AFMID: variants seen among roughly 807,000 people sequenced by gnomAD.
AFMID encodes the protein kynurenine formamidase.
In AFMID, 39 loss-of-function variants were observed where a neutral mutation model predicts 47.5. The observed-to-expected ratio is 0.82, with a 90% CI of 0.64 to 1.07. The LOEUF (loss-of-function observed/expected upper bound fraction) is 1.07. AFMID is among the 50% of genes least tolerant of loss of function. The probability of loss-of-function intolerance (pLI) is 0.00; values close to 1 mark genes in which losing one functional copy is unlikely to be tolerated. For missense variants in AFMID, 375 were observed against 387.5 expected (o/e 0.97, Z 0.27); for synonymous variants, 130 against 153.2 (o/e 0.85, Z 1.12).
chr17:78,204,373 G>A (rs371436854), intron 4 of AFMID, among the ~76,000 whole-genome samples: 12 of 152,160 alleles, frequency 7.9e-5, no homozygotes, highest in Non-Finnish European at 1.5e-4. Context: ...CCAGGAGGTC[G>A]AGGCTACAGT....
chr17:78,193,398 A>T (rs8078515), intron 2 of AFMID, among the ~76,000 whole-genome samples: 17,026 of 140,058 alleles, frequency 0.12, 2,148 homozygotes, highest in African/African-American at 0.28. Flanking sequence ...AAAAAAAAAA[A>T]GCTGTAAGCA....
At chr17:78,193,358 G>A (rs1454431589) in intron 2 of AFMID, among the ~76,000 whole-genome samples, 28 of 120,144 alleles carry the variant, frequency 2.3e-4, no homozygotes, top group African/African-American at 6.3e-4. Flanking sequence ...GCGACAGAGC[G>A]AGACTCTGTC....
At chr17:78,205,857 A>G in intron 9 of AFMID, 89 bp from the exon 10 acceptor site, 1 of 1,594,688 alleles carries the variant, frequency 6.3e-7, no homozygotes, top group Non-Finnish European at 8.6e-7. Flanking sequence ...TACTGAGTGA[A>G]CCCTGACCTG....
intron 2 of AFMID, among the ~76,000 whole-genome samples, chr17:78,191,582 AG>A (rs1448279306): frequency 1.3e-5 from 2 of 152,066 alleles, no homozygotes; most frequent in East Asian, 3.9e-4. Flanking sequence ...CTGAGGCATG[AG>A]AATTGCTTCA....
At chr17:78,192,720 A>G (rs2076005463) in intron 2 of AFMID, 4 of 465,070 alleles carry the variant, frequency 8.6e-6, no homozygotes, top group Admixed American at 4.7e-5. Context: ...GTGCTGTACC[A>G]CGATCTGAAC....
chr17:78,189,830 G>GTTT (rs770053983), intron 1 of AFMID, among the ~76,000 whole-genome samples: 8 of 109,466 alleles, frequency 7.3e-5, no homozygotes, highest in Admixed American at 2.0e-4. Context: ...TTTTCTGTTG[G>GTTT]TTTTTTTTTT....
At chr17:78,203,154 G>A (rs1170789656) in intron 4 of AFMID, 3 of 163,742 alleles carry the variant, frequency 1.8e-5, no homozygotes, top group East Asian at 1.8e-4. Context: ...TCTGCCTCCC[G>A]GGCTCAAGCA....
chr17:78,206,052 T>C lies in AFMID; in HGVS notation c.885+2T>C. The C allele has an allele frequency of 6.2e-7, 1 of 1,613,652 alleles. No homozygotes were observed. The highest frequency in any genetic ancestry group is 1.1e-5 in the South Asian group (1 of 91,050). On this transcript the variant is annotated splice_donor_variant, in intron 10 of 10. Coordinates refer to ENST00000409257, the MANE Select transcript of AFMID (RefSeq NM_001010982.5). LOFTEE classifies it high-confidence loss of function. ...CAGAAGGACAACGTGCTCACCCAGG[T>C]GGGGCCTCATCCCTGGCAGCCCTTT...
At chr17:78,199,676 CTTT>C (rs11340490) in intron 2 of AFMID, among the ~76,000 whole-genome samples, 1 of 151,714 alleles carries the variant, frequency 6.6e-6, no homozygotes, top group African/African-American at 2.4e-5. Context: ...CCCGGCCAGG[CTTT>C]TTTTTCTCTA....
At chr17:78,196,225 C>T (rs1360680835) in intron 2 of AFMID, among the ~76,000 whole-genome samples, 2 of 152,032 alleles carry the variant, frequency 1.3e-5, no homozygotes, top group African/African-American at 2.4e-5. Context: ...AGTAGCCAGG[C>T]ATGGTGGCGT....
At chr17:78,196,941 C>CTG (rs2076129967) in intron 2 of AFMID, among the ~76,000 whole-genome samples, 2 of 152,130 alleles carry the variant, frequency 1.3e-5, no homozygotes, top group Non-Finnish European at 2.9e-5. Context: ...ACTTCATTCT[C>CTG]TGTCTCTGCA....
intron 2 of AFMID, among the ~76,000 whole-genome samples, chr17:78,201,930 C>T (rs2076253701): frequency 6.6e-6 from 1 of 151,614 alleles, no homozygotes; most frequent in African/African-American, 2.4e-5. Flanking sequence ...CAGGGTTTCA[C>T]CATGTTAGCC....
At chr17:78,205,837 A>G in intron 9 of AFMID, 99 bp downstream of exon 9, 1 of 1,595,546 alleles carries the variant, frequency 6.3e-7, no homozygotes, top group Non-Finnish European at 8.6e-7. Flanking sequence ...TCCATCATTT[A>G]TTTAACACGT....
intron 1 of AFMID, 147 bp from the exon 2 acceptor site, chr17:78,190,823 C>T (rs2075946710): frequency 1.5e-6 from 1 of 671,008 alleles, no homozygotes; most frequent in Non-Finnish European, 2.6e-6. Context: ...TACCTCTAGA[C>T]CATGGATCTG....
Position 78,197,255 on chromosome 17 carries a change from C to G in AFMID, c.155-5244C>G. The G allele has an allele frequency of 3.3e-6, 5 of 1,528,282 alleles. No homozygotes were observed. In the South Asian group the frequency reaches 4.9e-5, roughly 15 times the overall value. The allele number at this position is 1,528,282 out of a possible 1,614,324, so 94.7% of individuals were successfully genotyped here. ...GTGCTGGGGCAGGGTTGTTGGCAAA[C>G]CCCCATGGATGGCAGCCGGCAATGG... On this transcript the variant is annotated intron_variant, in intron 2 of 10. Coordinates refer to ENST00000409257, the MANE Select transcript of AFMID (RefSeq NM_001010982.5).
intron 10 of AFMID, among the ~76,000 whole-genome samples, chr17:78,206,690 A>ACC (rs143832284): frequency 3.6e-5 from 4 of 110,690 alleles, no homozygotes; most frequent in Admixed American, 1.1e-4. Context: ...TCCTCCCCCT[A>ACC]CCCCCCCTTC....
chr17:78,203,995 C>T (rs1431975365), intron 4 of AFMID: 3 of 143,828 alleles, frequency 2.1e-5, no homozygotes, highest in African/African-American at 7.8e-5. Flanking sequence ...CTGCACTCCA[C>T]CCAGGGTGAC....
Position 78,207,039 on chromosome 17 carries a change from C to A in AFMID, c.*102C>A. ...CTGACAGCTTCAGTTTCCCCCAGCA[C>A]CCAGGAGAGCCTTGCTGTGTCTGTC... On this transcript the variant is annotated 3_prime_UTR_variant, in exon 11 of 11. Transcript: ENST00000409257. 8.0e-7 allele frequency: 1 copy of A among 1,249,876 alleles called. No individual in the cohort carries two copies. The highest frequency in any genetic ancestry group is 1.2e-6 in the Non-Finnish European group (1 of 850,476). The allele number at this position is 1,249,876 out of a possible 1,614,324, so 77.4% of individuals were successfully genotyped here.
In AFMID at chr17:78,191,073, C is replaced by G; in HGVS notation, c.154+13C>G. 1 of 1,611,336 alleles carries G rather than the reference C, an allele frequency of 6.2e-7. No individual in the cohort carries two copies. The highest frequency in any genetic ancestry group is 1.1e-5 in the South Asian group (1 of 90,884). ...ATAGGAATTGAAGGTACTAGTGTGA[C>G]CTCTCCGTGGCCGCATTGGGTGTCC... On this transcript the variant is annotated intron_variant, in intron 2 of 10. Transcript: ENST00000409257.
Sources: allele counts gnomAD v4.1 joint callset (sites outside exome capture counted in the v4.1 genomes callset), GRCh38; gene constraint gnomAD v4.1.1; transcripts MANE v1.5; gene names NCBI Gene and HGNC (gene_info 2026-07-23, HGNC 2026-07-21).